Variants in STRN observed in about 807,000 individuals in gnomAD.
STRN encodes the protein protein phosphatase 2 regulatory subunit B'''alpha.
STRN carries 53 observed loss-of-function variants against 96.3 expected under a neutral mutation model. The ratio of observed to expected loss-of-function variants is 0.55; its 90% CI spans 0.44 to 0.69. The LOEUF (loss-of-function observed/expected upper bound fraction) is 0.69. STRN is among the 30% of genes least tolerant of loss of function. The pLI is 0.00. For synonymous variants in STRN, 428 were observed against 355.9 expected (o/e 1.20, Z -2.28); for missense variants, 987 against 963.9 (o/e 1.02, Z -0.32).
rs771895953 is a variant in STRN, at chr2:36,884,071, G to T, written c.1047C>A (p.Pro349=). 205 of 1,342,420 alleles carry T rather than the reference G, an allele frequency of 1.5e-4. No homozygotes were observed. The highest frequency in any genetic ancestry group is 1.9e-4 in the Non-Finnish European group (201 of 1,037,100). 83.2% of individuals were successfully genotyped at this position (1,342,420 alleles called of 1,614,324 possible). A position where few individuals can be genotyped will look rare whatever the true frequency, so the allele number is the denominator to read the frequency against. Residue 349 remains proline, a synonymous_variant, in exon 9 of 18, where the codon CCC becomes CCA. Transcript: ENST00000263918. The part of the protein sequence containing the change: ...ERKGKKGVKR[P]NRSKLQDMLA... ...GCATATCTTGTAGTTTTGACCTATT[G>T]GGCCCTAGCCAAAAAAAGGGGGGGT...
At chr2:36,861,646 T>G (rs1335907226) in intron 12 of STRN, among the ~76,000 whole-genome samples, 4 of 151,980 alleles carry the variant, frequency 2.6e-5, no homozygotes, top group Admixed American at 2.6e-4. Context: ...ATATAAAAAG[T>G]ATGCCAATCT....
intron 13 of STRN, among the ~76,000 whole-genome samples, chr2:36,860,042 G>A (rs576722323): frequency 6.6e-5 from 10 of 152,216 alleles, no homozygotes; most frequent in South Asian, 2.1e-4. Flanking sequence ...AGGCAGAGAC[G>A]GAAACAAGGT....
intron 6 of STRN, among the ~76,000 whole-genome samples, chr2:36,896,657 G>A (rs1669546786): frequency 6.6e-6 from 1 of 152,156 alleles, no homozygotes; most frequent in South Asian, 2.1e-4. Flanking sequence ...ATGACACAAG[G>A]GGACGTGGGA....
At chr2:36,950,535 G>GT (rs1169634958) in intron 1 of STRN, among the ~76,000 whole-genome samples, 4 of 152,180 alleles carry the variant, frequency 2.6e-5, no homozygotes, top group Admixed American at 2.0e-4. Flanking sequence ...GCATGGCAAA[G>GT]TGGAGATGAC....
chr2:36,892,871 A>C (rs1422677490), intron 7 of STRN, among the ~76,000 whole-genome samples: 1 of 152,088 alleles, frequency 6.6e-6, no homozygotes, highest in Non-Finnish European at 1.5e-5. Context: ...AAATACAAAA[A>C]TTAGCCAGGC....
chr2:36,862,029 G>C (rs940463827), intron 12 of STRN, among the ~76,000 whole-genome samples: 14 of 152,012 alleles, frequency 9.2e-5, no homozygotes, highest in African/African-American at 3.1e-4. Flanking sequence ...GCAGTATTTG[G>C]TTTTCTGTTC....
At chr2:36,872,031 G>A (rs928143672) in intron 10 of STRN, among the ~76,000 whole-genome samples, 3 of 152,214 alleles carry the variant, frequency 2.0e-5, no homozygotes, top group Non-Finnish European at 2.9e-5. Flanking sequence ...GCACCTGAAA[G>A]GCTTTCATGT....
intron 14 of STRN, among the ~76,000 whole-genome samples, chr2:36,856,245 T>G (rs1668340437): frequency 6.6e-6 from 1 of 152,148 alleles, no homozygotes; most frequent in Non-Finnish European, 1.5e-5. Flanking sequence ...ACTACAAAAT[T>G]TTTTTGAAAA....
chr2:36,905,482 C>G, intron 4 of STRN, 58 bp downstream of exon 4: 1 of 1,469,430 alleles, frequency 6.8e-7, no homozygotes, highest in Non-Finnish European at 9.5e-7. Context: ...GTAAAAATAA[C>G]TTCATAAAAC....
chr2:36,961,637 C>T (rs1182295449), intron 1 of STRN, among the ~76,000 whole-genome samples: 1 of 152,168 alleles, frequency 6.6e-6, no homozygotes, highest in African/African-American at 2.4e-5. Flanking sequence ...ACTAGTCCCC[C>T]TGCTGCTTCT....
At chr2:36,919,633 ACG>A in intron 2 of STRN, among the ~76,000 whole-genome samples, 1 of 152,352 alleles carries the variant, frequency 6.6e-6, no homozygotes, top group South Asian at 2.1e-4. Flanking sequence ...ATTTTTAAAC[ACG>A]GATATAACAG....
Position 36,886,729 on chromosome 2 carries a change from T to C in STRN, c.1029A>G (p.Lys343=). Residue 343 remains lysine, a synonymous_variant, in exon 8 of 18, where the codon AAA becomes AAG. Transcript: ENST00000263918. ...KEQYKKERKG[K]KGVKRPNRSK... ...TTTTCCACTTACTCTTCACCCCCTT[T>C]TTCCCCTTTCTCTCCTTTTTGTATT... 6.2e-7 allele frequency: 1 copy of C among 1,611,154 alleles called. No individual in the cohort carries two copies. The highest frequency in any genetic ancestry group is 8.5e-7 in the Non-Finnish European group (1 of 1,178,350).
chr2:36,919,481 G>GA (rs963042710), intron 2 of STRN, among the ~76,000 whole-genome samples: 154 of 145,166 alleles, frequency 1.1e-3, no homozygotes, highest in African/African-American at 3.1e-3. Context: ...TTAAGTGGAA[G>GA]AAAAAAAAAA....
chr2:36,929,299 A>ATATT lies in STRN; in HGVS notation c.235-4092_235-4091insAATA, dbSNP rs574087244. On this transcript the variant is annotated intron_variant, in intron 1 of 17. Coordinates refer to ENST00000263918, the MANE Select transcript of STRN (RefSeq NM_003162.4). Reference sequence around the variant, plus strand: ...ATGTAAATAGGAATATAGATCTTCTATAAACAGGTTTATCTGCATACATAA... The same window carrying ATATT: ...ATGTAAATAGGAATATAGATCTTCTATATTTAAACAGGTTTATCTGCATACATAA... Among the ~76,000 whole-genome samples, 796 of 152,376 alleles carry ATATT rather than the reference A, an allele frequency of 5.2e-3. 5 individuals are homozygous for ATATT. The highest frequency in any genetic ancestry group is 7.9e-3 in the Non-Finnish European group (535 of 68,036).
Position 36,925,185 on chromosome 2 carries a change from T to C in STRN, c.258A>G (p.Gly86=). The C allele has an allele frequency of 1.9e-6, 3 of 1,613,744 alleles. No homozygotes were observed. Among genetic ancestry groups the C allele is most frequent in the Non-Finnish European group, 2.5e-6 (3 of 1,179,810 alleles). The change falls in exon 2 of 18, where the codon GGA becomes GGG. Residue 86 remains glycine (G), a synonymous_variant. Coordinates refer to ENST00000263918, the MANE Select transcript of STRN (RefSeq NM_003162.4). The stretch of plus-strand genomic sequence containing the variant: ...TCAAATTTTCTTGGCCCTTCCTTTC[T>C]CCCTGCAGGAAGGCAATCTGGGCCT... ...ELQAQIAFLQ[G]ERKGQENLKK...
At chr2:36,879,191 C>G (rs1452571833) in intron 9 of STRN, among the ~76,000 whole-genome samples, 1 of 152,116 alleles carries the variant, frequency 6.6e-6, no homozygotes, top group Non-Finnish European at 1.5e-5. Flanking sequence ...CTGCCTCAGC[C>G]TCCCAAGTAG....
In STRN at chr2:36,842,863, G is replaced by T. The variant is rs553340057; in HGVS notation, c.*6593C>A. Among the ~76,000 whole-genome samples the T allele has an allele frequency of 3.9e-5, 6 of 152,108 alleles. No homozygotes were observed. The highest frequency in any genetic ancestry group is 1.4e-4 in the African/African-American group (6 of 41,430). On this transcript the variant is annotated 3_prime_UTR_variant, in exon 18 of 18. Transcript: ENST00000263918. ...CTGGTCATCCTGAGAAGTAACAGGCGGAGGGATGCTCCATGATTATAATGT... is the reference window on the plus strand; with the variant it reads ...CTGGTCATCCTGAGAAGTAACAGGCTGAGGGATGCTCCATGATTATAATGT...
intron 1 of STRN, among the ~76,000 whole-genome samples, chr2:36,958,383 T>G (rs571260742): frequency 3.9e-5 from 6 of 152,264 alleles, no homozygotes; most frequent in African/African-American, 1.4e-4. Flanking sequence ...AAAAAATAAC[T>G]ACTTACTATG....
At chr2:36,872,232 GCT>G (rs1238558082) in intron 10 of STRN, among the ~76,000 whole-genome samples, 3 of 152,246 alleles carry the variant, frequency 2.0e-5, no homozygotes, top group East Asian at 3.9e-4. Flanking sequence ...GGGTATTCTT[GCT>G]CTCTCTCTTT....
Sources: allele counts gnomAD v4.1 joint callset (sites outside exome capture counted in the v4.1 genomes callset), GRCh38; gene constraint gnomAD v4.1.1; transcripts MANE v1.5; gene names NCBI Gene and HGNC (gene_info 2026-07-23, HGNC 2026-07-21).